Variants in ERGIC3 observed in about 807,000 individuals in gnomAD.
ERGIC3 encodes the protein endoplasmic reticulum-Golgi intermediate compartment protein 3.
In ERGIC3, 33 loss-of-function variants were observed where a neutral mutation model predicts 54.7. That is an observed-to-expected ratio of 0.60 (90% CI 0.46 to 0.81). The LOEUF is 0.81. Among genes scored for constraint, ERGIC3 ranks in the 30% least tolerant of loss-of-function variants. The probability of loss-of-function intolerance (pLI) is 0.00; values close to 1 mark genes in which losing one functional copy is unlikely to be tolerated. For missense variants in ERGIC3, 399 were observed against 488.4 expected (o/e 0.82, Z 1.73); for synonymous variants, 186 against 189.8 (o/e 0.98, Z 0.16).
Position 35,548,410 on chromosome 20 carries a change from C to G in ERGIC3, c.462-99C>G, listed in dbSNP as rs1307521149. 6.8e-6 allele frequency: 9 copies of G among 1,321,146 alleles called. No individual in the cohort carries two copies. In the East Asian group the frequency reaches 2.1e-4, roughly 31 times the overall value. The allele number at this position is 1,321,146 out of a possible 1,614,324, so 81.8% of individuals were successfully genotyped here. ...TGGTCAGGGATGAGGCTAGCAGAGC[C>G]TTCATTAGCAGGCAGAGCTGCTCGG... is the stretch of plus-strand genomic sequence containing the variant. On this transcript the variant is annotated intron_variant, in intron 5 of 12. Transcript: ENST00000348547.
intron 7 of ERGIC3, among the ~76,000 whole-genome samples, chr20:35,551,770 C>T (rs1474671996): frequency 6.6e-6 from 1 of 152,178 alleles, no homozygotes; most frequent in Admixed American, 6.5e-5. Context: ...TTGACCATGG[C>T]ATGTACATGC....
Position 35,553,171 on chromosome 20 carries a change from A to ATTTTT in ERGIC3, c.686-1860_686-1856dup, listed in dbSNP as rs61579080. 3.0e-4 allele frequency among the ~76,000 whole-genome samples: 38 copies of ATTTTT among 127,372 alleles called. 2 individuals are homozygous for ATTTTT. The highest frequency in any genetic ancestry group is 9.2e-4 in the East Asian group (4 of 4,370). 83.6% of individuals were successfully genotyped at this position (127,372 alleles called of 152,430 possible). A position where few individuals can be genotyped will look rare whatever the true frequency, so the allele number is the denominator to read the frequency against. Reference sequence around the variant, plus strand: ...AGGCACATGCCACCATGCCTGGCTAATTTTTTTTTTTTTTTTTGCAGAGAC... The same window carrying ATTTTT: ...AGGCACATGCCACCATGCCTGGCTAATTTTTTTTTTTTTTTTTTTTTTGCAGAGAC... On this transcript the variant is annotated intron_variant, in intron 7 of 12. Transcript: ENST00000348547.
intron 4 of ERGIC3, 39 bp downstream of exon 4, chr20:35,542,980 TG>T: frequency 6.2e-7 from 1 of 1,612,520 alleles, no homozygotes; most frequent in Non-Finnish European, 8.5e-7. Context: ...ATCCCAAAGC[TG>T]GATGTACCCA....
Position 35,548,598 on chromosome 20 carries a change from G to T in ERGIC3, c.551G>T (p.Arg184Leu), listed in dbSNP as rs765410361. The T allele has an allele frequency of 1.2e-6, 2 of 1,614,224 alleles. No individual in the cohort carries two copies. Among genetic ancestry groups the T allele is most frequent in the Non-Finnish European group, 1.7e-6 (2 of 1,180,046 alleles). The part of the protein sequence containing the change: ...KNPDTIEQCR[R>L]EGFSQKMQEQ... The stretch of plus-strand genomic sequence containing the variant: ...CCAGATACTATTGAGCAGTGCCGGC[G>T]AGAGGGCTTCAGCCAGAAGATGCAG... Residue 184 changes from arginine to leucine, a missense_variant, in exon 6 of 13, where the codon CGA (arginine) becomes CTA (leucine). Coordinates refer to ENST00000348547, the MANE Select transcript of ERGIC3 (RefSeq NM_015966.3).
At chr20:35,554,904 C>A in intron 7 of ERGIC3, 140 bp from the exon 8 acceptor site, 2 of 1,033,166 alleles carry the variant, frequency 1.9e-6, no homozygotes, top group Non-Finnish European at 3.0e-6. Context: ...TGTCCTTAAG[C>A]AGGACCAGGA....
chr20:35,544,805 CTTT>C (rs1168405691), intron 4 of ERGIC3: 19 of 75,660 alleles, frequency 2.5e-4, no homozygotes, highest in African/African-American at 8.1e-4. Flanking sequence ...CGGGGATCTA[CTTT>C]TTTTTTTTTT....
intron 4 of ERGIC3, chr20:35,544,797 G>A (rs1022160425): frequency 9.8e-6 from 1 of 101,562 alleles, no homozygotes; most frequent in African/African-American, 3.9e-5. Context: ...GTGCCACGCG[G>A]GGATCTACTT....
intron 7 of ERGIC3, among the ~76,000 whole-genome samples, chr20:35,552,525 C>T (rs1240857121): frequency 6.6e-6 from 1 of 152,118 alleles, no homozygotes; most frequent in Non-Finnish European, 1.5e-5. Context: ...ATGTAAAGAA[C>T]TCATCTTGAT....
Position 35,556,200 on chromosome 20 carries a change from C to A in ERGIC3, c.815-7C>A. 6.2e-7 allele frequency: 1 copy of A among 1,614,200 alleles called. No individual in the cohort carries two copies. Among genetic ancestry groups the A allele is most frequent in the Non-Finnish European group, 8.5e-7 (1 of 1,180,042 alleles). On this transcript the variant is annotated splice_region_variant and splice_polypyrimidine_tract_variant and intron_variant, in intron 9 of 12. Coordinates refer to ENST00000348547, the MANE Select transcript of ERGIC3 (RefSeq NM_015966.3). ...CACCCATACCCAGTGCTTTGTTTTC[C>A]CCTCAGCCTCCATGATGTTCCAGTA...
At chr20:35,547,258 A>G (rs1385620429) in intron 4 of ERGIC3, 154 bp from the exon 5 acceptor site, 8 of 616,668 alleles carry the variant, frequency 1.3e-5, no homozygotes, top group Non-Finnish European at 2.3e-5. Context: ...ATATGTGTGT[A>G]GAAGTGCTTA....
chr20:35,548,841 A>G lies in ERGIC3; in HGVS notation c.661A>G (p.Ser221Gly). Residue 221 changes from serine (S) to glycine (G), a missense_variant, in exon 7 of 13, where the codon AGC becomes GGC. Coordinates refer to ENST00000348547, the MANE Select transcript of ERGIC3 (RefSeq NM_015966.3). ...AAACTTCCACTTTGCCCCTGGGAAG[A>G]GCTTCCAGCAGTCCCATGTGCACGG... ...AGNFHFAPGKSFQQSHVHVHD... is the reference protein window; with the variant it reads ...AGNFHFAPGKGFQQSHVHVHD... The G allele has an allele frequency of 6.2e-7, 1 of 1,614,238 alleles. No individual in the cohort carries two copies. The highest frequency in any genetic ancestry group is 1.3e-5 in the African/African-American group (1 of 75,066).
Position 35,548,195 on chromosome 20 carries a change from T to A in ERGIC3, c.462-314T>A, listed in dbSNP as rs114952872. Among the ~76,000 whole-genome samples, 1,232 of 152,220 alleles carry A rather than the reference T, an allele frequency of 8.1e-3. 19 individuals carry two copies. Among genetic ancestry groups the A allele is most frequent in the African/African-American group, 0.028 (1,178 of 41,534 alleles). ...GAATATGTATTTTTCACAGTCCTAGTCTGGGCACAATGGCTTACACCTGTA... is the reference window on the plus strand; with the variant it reads ...GAATATGTATTTTTCACAGTCCTAGACTGGGCACAATGGCTTACACCTGTA... On this transcript the variant is annotated intron_variant, in intron 5 of 12. Coordinates refer to ENST00000348547, the MANE Select transcript of ERGIC3 (RefSeq NM_015966.3).
intron 7 of ERGIC3, among the ~76,000 whole-genome samples, chr20:35,552,292 A>G (rs374126405): frequency 1.3e-5 from 2 of 152,160 alleles, no homozygotes; most frequent in African/African-American, 4.8e-5. Context: ...GAGATTTGAA[A>G]GAAGAAAAGA....
intron 4 of ERGIC3, 62 bp downstream of exon 4, chr20:35,543,003 T>C: frequency 1.2e-6 from 2 of 1,608,762 alleles, no homozygotes; most frequent in Non-Finnish European, 1.7e-6. Flanking sequence ...GCCTATCTGC[T>C]AGCAAGTGAA....
chr20:35,548,751 C>T, intron 6 of ERGIC3, 57 bp from the exon 7 acceptor site: 2 of 1,614,032 alleles, frequency 1.2e-6, no homozygotes, highest in Admixed American at 3.3e-5. Flanking sequence ...CCCAGTCAGG[C>T]CCTGAGTAGG....
At chr20:35,552,238 G>A (rs2064685697) in intron 7 of ERGIC3, among the ~76,000 whole-genome samples, 1 of 152,208 alleles carries the variant, frequency 6.6e-6, no homozygotes, top group Admixed American at 6.5e-5. Context: ...TTGTAGGAAG[G>A]AAGGTCCTCA....
rs772070697 is a variant in ERGIC3 at position 35,557,103 on chromosome 20, A to G, written c.1010A>G (p.Lys337Arg). The G allele has an allele frequency of 3.1e-6, 5 of 1,614,216 alleles. No individual in the cohort carries two copies. Among genetic ancestry groups the G allele is most frequent in the East Asian group, 2.2e-5 (1 of 44,872 alleles). ...LSPMMVKLTE[K>R]HRSFTHFLTG... ...CCCATGATGGTGAAGCTGACGGAGA[A>G]GCACAGGTGAGGATGGGGGCAAAGC... is the stretch of plus-strand genomic sequence containing the variant. The change falls in exon 11 of 13, where the codon AAG (lysine) becomes AGG (arginine). Residue 337 changes from lysine to arginine, a missense_variant. Physicochemically the swap from Lys to Arg is conservative, Grantham distance 26. Coordinates refer to ENST00000348547, the MANE Select transcript of ERGIC3 (RefSeq NM_015966.3).
chr20:35,556,255 T>C lies in ERGIC3; in HGVS notation c.863T>C (p.Met288Thr). 1 of 1,614,092 alleles carries C rather than the reference T, an allele frequency of 6.2e-7. No individual in the cohort carries two copies. The highest frequency in any genetic ancestry group is 1.1e-5 in the South Asian group (1 of 91,084). The change falls in exon 10 of 13, where the codon ATG becomes ACG. Residue 288 changes from methionine to threonine, a missense_variant. By Grantham distance (81) the Met-to-Thr change is moderately conservative. Coordinates refer to ENST00000348547, the MANE Select transcript of ERGIC3 (RefSeq NM_015966.3). ...YFVKVVPTVY[M>T]KVDGEVLRTN... ...GTGAAGGTGGTGCCCACTGTGTACA[T>C]GAAGGTGGACGGAGAGGTGAGTCAG...
rs750900579 is a variant in ERGIC3 at position 35,557,614 on chromosome 20, T to TATTG, written c.*119_*122dup. On this transcript the variant is annotated 3_prime_UTR_variant, in exon 13 of 13. Coordinates refer to ENST00000348547, the MANE Select transcript of ERGIC3 (RefSeq NM_015966.3). ...AGCCCCAGCCCCAGGTTGATAAATC[T>TATTG]ATTGATTGATTGTGATAGTACTCAC... 109 of 889,820 alleles carry TATTG rather than the reference T, an allele frequency of 1.2e-4. No homozygotes were observed. The highest frequency in any genetic ancestry group is 5.3e-4 in the Middle Eastern group (2 of 3,774). The allele number at this position is 889,820 out of a possible 1,614,324, so 55.1% of individuals were successfully genotyped here.
Sources: allele counts gnomAD v4.1 joint callset (sites outside exome capture counted in the v4.1 genomes callset), GRCh38; gene constraint gnomAD v4.1.1; transcripts MANE v1.5; gene names NCBI Gene and HGNC (gene_info 2026-07-23, HGNC 2026-07-21).